The following GPR141 variants were observed in gnomAD, a reference collection of about 807,000 sequenced individuals.
The protein encoded by GPR141 is probable G protein-coupled receptor 141.
GPR141 carries 6 observed loss-of-function variants against 6.8 expected under a neutral mutation model. The observed-to-expected ratio is 0.88, with a 90% CI of 0.48 to 1.74. The LOEUF (loss-of-function observed/expected upper bound fraction) is 1.74. Ranked by LOEUF, GPR141 falls within the 40% of genes most tolerant of loss-of-function variation. The pLI is 0.01. For synonymous variants in GPR141, 140 were observed against 142.3 expected (o/e 0.98, Z 0.11); for missense variants, 372 against 372.9 (o/e 1.00, Z 0.02).
At chr7:37,713,216 A>G (rs186652501) in intron 2 of GPR141, 1 of 152,380 alleles carries the variant, frequency 6.6e-6, no homozygotes, top group East Asian at 1.9e-4. Context: ...GAATTGGGCA[A>G]ATAGTGTCCC....
intron 2 of GPR141, among the ~76,000 whole-genome samples, chr7:37,723,964 A>G (rs1370964409): frequency 2.0e-5 from 3 of 152,222 alleles, no homozygotes; most frequent in Non-Finnish European, 2.9e-5. Flanking sequence ...AGATCTATGC[A>G]AGGCTCTCCC....
rs747252323 is a variant in GPR141, at chr7:37,741,287, A to G, written c.894A>G (p.Leu298=). The G allele has an allele frequency of 1.9e-6, 3 of 1,595,870 alleles. No homozygotes were observed. The highest frequency in any genetic ancestry group is 1.1e-5 in the South Asian group (1 of 88,814). Residue 298 remains leucine (L), a synonymous_variant, in exon 3 of 3, where the codon TTA becomes TTG. Coordinates refer to ENST00000334425, the MANE Select transcript of GPR141 (RefSeq NM_001381946.1). ...GGTTTAAGCAAAAGATAATTGGCTT[A>G]TGGAATTGTGTTTTGTGCCGTTAGC... ...SHWFKQKIIG[L]WNCVLCR is the part of the protein sequence containing the mutation.
At chr7:37,735,601 C>T (rs957454223) in intron 2 of GPR141, among the ~76,000 whole-genome samples, 1 of 151,986 alleles carries the variant, frequency 6.6e-6, no homozygotes, top group Non-Finnish European at 1.5e-5. Flanking sequence ...AAAGGATGAC[C>T]CCTCTCAAGG....
intron 2 of GPR141, among the ~76,000 whole-genome samples, chr7:37,717,086 C>G (rs1302519047): frequency 6.6e-6 from 1 of 152,184 alleles, no homozygotes; most frequent in Non-Finnish European, 1.5e-5. Flanking sequence ...CAAGCCATGT[C>G]CAAACCATGG....
chr7:37,712,530 T>C (rs1810852111), intron 2 of GPR141, among the ~76,000 whole-genome samples: 1 of 152,212 alleles, frequency 6.6e-6, no homozygotes, highest in Non-Finnish European at 1.5e-5. Flanking sequence ...CCTGCCCCTC[T>C]GTTTCTCCAG....
chr7:37,723,705 A>G (rs974468086), intron 2 of GPR141, among the ~76,000 whole-genome samples: 6 of 152,124 alleles, frequency 3.9e-5, no homozygotes, highest in African/African-American at 1.4e-4. Flanking sequence ...CCGTATAGAC[A>G]TGTTTCTCTG....
At chr7:37,703,591 G>A (rs750560249) in intron 2 of GPR141, among the ~76,000 whole-genome samples, 2 of 152,144 alleles carry the variant, frequency 1.3e-5, no homozygotes, top group Non-Finnish European at 2.9e-5. Context: ...CAAACTCTGG[G>A]TTGAAATGAT....
At chr7:37,698,042 C>T (rs768966300) in intron 2 of GPR141, among the ~76,000 whole-genome samples, 6 of 152,174 alleles carry the variant, frequency 3.9e-5, no homozygotes, top group Non-Finnish European at 8.8e-5. Context: ...GCTTATGCCA[C>T]AGGGTGAAAT....
At chr7:37,689,318 C>G (rs1415941573) in intron 2 of GPR141, among the ~76,000 whole-genome samples, 4 of 152,200 alleles carry the variant, frequency 2.6e-5, no homozygotes, top group East Asian at 1.9e-4. Flanking sequence ...ATTTTTGCAT[C>G]TGTGCTCATC....
chr7:37,740,353 G>GTTACTCTGGTGC (rs1812467569), intron 2 of GPR141, 27 bp from the exon 3 acceptor site: 1 of 1,421,960 alleles, frequency 7.0e-7, no homozygotes, highest in East Asian at 2.3e-5. Flanking sequence ...AAGCTTGTCA[G>GTTACTCTGGTGC]TTACTCTGGT....
intron 2 of GPR141, among the ~76,000 whole-genome samples, chr7:37,687,104 G>C (rs1385478899): frequency 6.6e-6 from 1 of 152,062 alleles, no homozygotes; most frequent in Non-Finnish European, 1.5e-5. Flanking sequence ...TTCAGACTGA[G>C]CTCCACTGCC....
At chr7:37,726,160 G>A (rs766798667) in intron 2 of GPR141, among the ~76,000 whole-genome samples, 3 of 152,210 alleles carry the variant, frequency 2.0e-5, no homozygotes, top group Non-Finnish European at 4.4e-5. Flanking sequence ...CATTTTGACT[G>A]TAGGAAGTGA....
At chr7:37,724,106 A>T (rs1189230208) in intron 2 of GPR141, among the ~76,000 whole-genome samples, 1 of 152,146 alleles carries the variant, frequency 6.6e-6, no homozygotes, top group African/African-American at 2.4e-5. Flanking sequence ...TTCAGCTCCC[A>T]CTTCCCTTGT....
chr7:37,719,547 C>T (rs575718972), intron 2 of GPR141, among the ~76,000 whole-genome samples: 1 of 152,270 alleles, frequency 6.6e-6, no homozygotes, highest in East Asian at 1.9e-4. Flanking sequence ...CAAAATGATT[C>T]TAGCAACTTA....
intron 2 of GPR141, among the ~76,000 whole-genome samples, chr7:37,733,110 G>A (rs985429473): frequency 6.6e-6 from 1 of 152,164 alleles, no homozygotes; most frequent in Admixed American, 6.5e-5. Flanking sequence ...TCAAGAATGA[G>A]TAACATAGAG....
intron 2 of GPR141, among the ~76,000 whole-genome samples, chr7:37,714,034 C>CT (rs372924914): frequency 6.9e-4 from 102 of 147,186 alleles, no homozygotes; most frequent in Middle Eastern, 3.5e-3. Context: ...TTTCACTTAT[C>CT]TTTTTTTTTT....
At chr7:37,689,247 G>A (rs1057034821) in intron 2 of GPR141, among the ~76,000 whole-genome samples, 10 of 151,968 alleles carry the variant, frequency 6.6e-5, no homozygotes, top group South Asian at 2.1e-4. Context: ...ATCCCTTTTG[G>A]TCATGGTGAA....
chr7:37,705,307 T>C (rs1191494146), intron 2 of GPR141, among the ~76,000 whole-genome samples: 1 of 152,216 alleles, frequency 6.6e-6, no homozygotes, highest in Non-Finnish European at 1.5e-5. Context: ...ACTCTAAATG[T>C]TGGTTTGATC....
Position 37,741,216 on chromosome 7 carries a change from A to G in GPR141, c.823A>G (p.Ile275Val), listed in dbSNP as rs1411064681. ...YNEIFLSVTA[I>V]SCYDLLLFVF... ...CGAAATCTTCTTGAGTGTAACAGCA[A>G]TTAGCTGCTATGATTTGCTTCTCTT... is the stretch of plus-strand genomic sequence containing the variant. The change falls in exon 3 of 3, where the codon ATT becomes GTT. Residue 275 changes from isoleucine to valine, a missense_variant. Transcript: ENST00000334425. 4 of 1,613,296 alleles carry G rather than the reference A, an allele frequency of 2.5e-6. No individual in the cohort carries two copies. In the African/African-American group the frequency reaches 4.0e-5, roughly 16 times the overall value.
Sources: gnomAD v4.1 joint callset for allele counts (sites outside exome capture counted in the v4.1 genomes callset) on GRCh38, gnomAD v4.1.1 for gene constraint, MANE v1.5 for transcripts, NCBI Gene and HGNC (gene_info 2026-07-23, HGNC 2026-07-21) for gene names.